IQSEC1: variants seen among roughly 807,000 people sequenced by gnomAD.
The protein encoded by IQSEC1 is IQ motif and SEC7 domain-containing protein 1.
In IQSEC1, 31 loss-of-function variants were observed where a neutral mutation model predicts 91.0. The ratio of observed to expected loss-of-function variants is 0.34; its 90% CI spans 0.26 to 0.46. IQSEC1 has a LOEUF of 0.46. IQSEC1 is among the 20% of genes least tolerant of loss of function. The pLI, the probability that IQSEC1 is intolerant of heterozygous loss-of-function variation, is 1.00. For synonymous variants in IQSEC1, 699 were observed against 662.6 expected (o/e 1.05, Z -0.84); for missense variants, 1,388 against 1,575.6 (o/e 0.88, Z 2.02).
intron 1 of IQSEC1, among the ~76,000 whole-genome samples, chr3:13,249,163 ATTTC>A (rs1695153076): frequency 1.5e-5 from 2 of 137,648 alleles, no homozygotes; most frequent in Non-Finnish European, 1.6e-5. Flanking sequence ...GGGGGAAGGA[ATTTC>A]TTTTTTTTTT....
At chr3:13,033,190 A>C (rs1475388252) in intron 1 of IQSEC1, among the ~76,000 whole-genome samples, 1 of 152,130 alleles carries the variant, frequency 6.6e-6, no homozygotes, top group East Asian at 1.9e-4. Flanking sequence ...CAGGCACATA[A>C]GCTCTTCTGA....
At chr3:13,076,369 A>G (rs147387718), upstream of IQSEC1, among the ~76,000 whole-genome samples, 418 of 152,314 alleles carry the variant, frequency 2.7e-3, 4 homozygotes, top group African/African-American at 9.3e-3. Flanking sequence ...GCCAAGGGGT[A>G]AGTCCAGAAA....
chr3:12,960,431 G>A (rs765248), intron 1 of IQSEC1: 56,514 of 152,026 alleles, frequency 0.37, 11,503 homozygotes, highest in Non-Finnish European at 0.46. Context: ...ACTGGAGTGC[G>A]CACAGCTGGG....
At chr3:12,989,602 A>G (rs1398361312) in intron 1 of IQSEC1, among the ~76,000 whole-genome samples, 3 of 152,196 alleles carry the variant, frequency 2.0e-5, no homozygotes, top group Non-Finnish European at 4.4e-5. Context: ...CTGGAAGCAC[A>G]GAAAGGCTGA....
chr3:13,197,827 G>T (rs1694163791), intron 1 of IQSEC1, among the ~76,000 whole-genome samples: 1 of 152,250 alleles, frequency 6.6e-6, no homozygotes, highest in Non-Finnish European at 1.5e-5. Flanking sequence ...TTTAGTACAG[G>T]CTGGACATGA....
rs1180819217 is a variant in IQSEC1 at position 12,899,465 on chromosome 3, C to T, written c.*1518G>A. 1.2e-6 allele frequency: 2 copies of T among 1,602,582 alleles called. No individual in the cohort carries two copies. Among genetic ancestry groups the T allele is most frequent in the Non-Finnish European group, 8.5e-7 (1 of 1,175,280 alleles). On this transcript the variant is annotated 3_prime_UTR_variant, in exon 14 of 14. Transcript: ENST00000613206. ...AAGTATGGCCCGTGGGTGACTCGGG[C>T]ACAGACCTGCCGCGTGCAGGTCTGG...
chr3:12,909,438 C>T lies in IQSEC1; in HGVS notation c.2417-4G>A. 6.2e-7 allele frequency: 1 copy of T among 1,612,670 alleles called. No individual in the cohort carries two copies. Among genetic ancestry groups the T allele is most frequent in the Non-Finnish European group, 8.5e-7 (1 of 1,179,100 alleles). On this transcript the variant is annotated splice_polypyrimidine_tract_variant and splice_region_variant and intron_variant, in intron 10 of 13. Coordinates refer to ENST00000613206, the MANE Select transcript of IQSEC1 (RefSeq NM_001134382.3). The surrounding 1 kb of genome is among the most constrained non-coding windows in gnomAD (Gnocchi z 4.9). ...AGCCGGATGCCATTGGGGTAGTCTG[C>T]AAAAGGGAAGGAGAGGGGAGGAGGC...
At chr3:12,944,155 A>C (rs545792160) in intron 1 of IQSEC1, among the ~76,000 whole-genome samples, 88 of 152,242 alleles carry the variant, frequency 5.8e-4, no homozygotes, top group African/African-American at 2.1e-3. Context: ...CCTCTGAGGA[A>C]CACCACCCTT....
rs3773309 is a variant in IQSEC1 at position 12,900,829 on chromosome 3, T to G, written c.*154A>C. On this transcript the variant is annotated 3_prime_UTR_variant, in exon 14 of 14. Coordinates refer to ENST00000613206, the MANE Select transcript of IQSEC1 (RefSeq NM_001134382.3). ...CCTTTGTTCCACACAACACCAGCCC[T>G]GTGGGCTCCTGGGGCTCCGGTTGGG... The G allele has an allele frequency of 4.0e-6, 6 of 1,508,388 alleles. No homozygotes were observed. Among genetic ancestry groups the G allele is most frequent in the Non-Finnish European group, 5.3e-6 (6 of 1,133,628 alleles). The allele number at this position is 1,508,388 out of a possible 1,614,324, so 93.4% of individuals were successfully genotyped here.
At chr3:13,217,951 G>C (rs1694581214) in intron 1 of IQSEC1, among the ~76,000 whole-genome samples, 1 of 152,096 alleles carries the variant, frequency 6.6e-6, no homozygotes, top group African/African-American at 2.4e-5. Flanking sequence ...AGAAGAGCTG[G>C]AAAGACCTGG....
chr3:13,100,421 C>G (rs1706036583), intron 2 of IQSEC1, among the ~76,000 whole-genome samples: 1 of 148,790 alleles, frequency 6.7e-6, no homozygotes, highest in South Asian at 2.1e-4. Context: ...AGAAGTTACT[C>G]TCTCTGCTGG....
intron 1 of IQSEC1, among the ~76,000 whole-genome samples, chr3:12,996,008 C>T (rs1702213279): frequency 6.6e-6 from 1 of 151,924 alleles, no homozygotes; most frequent in African/African-American, 2.4e-5. Flanking sequence ...AGCGAGACTC[C>T]ATCTCAAAAA....
intron 1 of IQSEC1, among the ~76,000 whole-genome samples, chr3:12,977,588 C>G (rs1701247912): frequency 6.6e-6 from 1 of 152,188 alleles, no homozygotes; most frequent in African/African-American, 2.4e-5. Flanking sequence ...GGGCTGCATT[C>G]CTGGTAGCTG....
intron 2 of IQSEC1, among the ~76,000 whole-genome samples, chr3:13,124,557 T>C (rs1252137327): frequency 6.6e-6 from 1 of 152,172 alleles, no homozygotes; most frequent in Non-Finnish European, 1.5e-5. Context: ...TGTGGGGATG[T>C]TAATGGCACT....
chr3:13,009,341 G>A (rs1335823570), intron 1 of IQSEC1, among the ~76,000 whole-genome samples: 1 of 152,162 alleles, frequency 6.6e-6, no homozygotes, highest in Non-Finnish European at 1.5e-5. Flanking sequence ...TTTGTGCCAT[G>A]AGGGTGTGGG....
intron 12 of IQSEC1, among the ~76,000 whole-genome samples, chr3:12,907,062 G>A (rs1695059648): frequency 6.6e-6 from 1 of 152,200 alleles, no homozygotes; most frequent in Non-Finnish European, 1.5e-5. Context: ...TAGAGGCCAG[G>A]AATGCGAGTA....
chr3:13,021,584 C>T (rs1703400332), intron 1 of IQSEC1, among the ~76,000 whole-genome samples: 1 of 152,224 alleles, frequency 6.6e-6, no homozygotes, highest in African/African-American at 2.4e-5. Flanking sequence ...ACCTGGGCAG[C>T]CTGGTGTCTG....
chr3:13,228,036 C>T (rs1389330055), intron 1 of IQSEC1, among the ~76,000 whole-genome samples: 2 of 152,186 alleles, frequency 1.3e-5, no homozygotes, highest in Non-Finnish European at 2.9e-5. Flanking sequence ...GCTGTCCCTG[C>T]TGTCTATGCG....
intron 1 of IQSEC1, among the ~76,000 whole-genome samples, chr3:13,266,086 C>A (rs1327786103): frequency 6.6e-6 from 1 of 151,990 alleles, no homozygotes; most frequent in Non-Finnish European, 1.5e-5. Flanking sequence ...TGCTCCCACA[C>A]CCCCGGCACT....
Sources: gnomAD v4.1 joint callset for allele counts (sites outside exome capture counted in the v4.1 genomes callset) on GRCh38, gnomAD v4.1.1 for gene constraint, Gnocchi (gnomAD v3.1) non-coding constraint, MANE v1.5 for transcripts, NCBI Gene and HGNC (gene_info 2026-07-23, HGNC 2026-07-21) for gene names.